ANKRD30B: variants seen among roughly 807,000 people sequenced by gnomAD.
ANKRD30B encodes the protein ankyrin repeat domain 30B.
Under a neutral mutation model 202.2 loss-of-function variants are expected in ANKRD30B, and 144 were observed. The ratio of observed to expected loss-of-function variants is 0.71; its 90% confidence interval spans 0.62 to 0.82. The LOEUF (loss-of-function observed/expected upper bound fraction) is 0.82, where lower values mean the gene tolerates loss of function less well. Ranked by LOEUF, ANKRD30B falls within the 40% of genes least tolerant of loss-of-function variation. The pLI is 0.00. For missense variants in ANKRD30B, 1,487 were observed against 1,669.1 expected, an observed-to-expected ratio of 0.89 and a Z score of 1.90; for synonymous variants, 508 against 561.3, an observed-to-expected ratio of 0.91 and a Z score of 1.34.
chr18:14,777,839 A>T (rs1598604496), intron 9 of ANKRD30B, 146 bp from the exon 10 acceptor site: 2 of 594,020 alleles, frequency 3.4e-6, no homozygotes, highest in East Asian at 6.4e-5. Context: ...GCTACTCAGG[A>T]GGCAGAAGGA....
chr18:14,900,698 G>A, the ANKRD30B span, among the ~76,000 whole-genome samples: 1 of 152,162 alleles, frequency 6.6e-6, no homozygotes, highest in Admixed American at 6.5e-5. Flanking sequence ...ATGTGACCAA[G>A]TTTTAGCTGA....
chr18:14,837,020 G>A, intron 34 of ANKRD30B, 191 bp from the exon 35 acceptor site: 1 of 461,256 alleles, frequency 2.2e-6, no homozygotes, highest in East Asian at 3.4e-5. Flanking sequence ...TTGAACATAA[G>A]CCAGAATCTA....
the ANKRD30B span, among the ~76,000 whole-genome samples, chr18:14,890,624 T>G: frequency 1.3e-5 from 2 of 150,834 alleles, no homozygotes; most frequent in African/African-American, 4.9e-5. Flanking sequence ...CTCTTAATCA[T>G]TATATAATTA....
chr18:14,843,585 GT>G (rs754075165), intron 39 of ANKRD30B, among the ~76,000 whole-genome samples: 1 of 132,856 alleles, frequency 7.5e-6, no homozygotes, highest in African/African-American at 2.7e-5. Flanking sequence ...GTGTGTGTGT[GT>G]GTGTGTGGTG....
the ANKRD30B span, among the ~76,000 whole-genome samples, chr18:14,872,659 G>T: frequency 2.3e-4 from 35 of 152,116 alleles, no homozygotes; most frequent in Admixed American, 1.4e-3. Flanking sequence ...CACTGAGTCA[G>T]ATTTTTGCCA....
chr18:14,832,625 C>A (rs1971002477), intron 34 of ANKRD30B, among the ~76,000 whole-genome samples: 1 of 151,992 alleles, frequency 6.6e-6, no homozygotes, highest in South Asian at 2.1e-4. Flanking sequence ...AAGCGGTTTT[C>A]AATGTGAATA....
chr18:14,831,934 A>C (rs1041280617), intron 34 of ANKRD30B, among the ~76,000 whole-genome samples: 6 of 152,208 alleles, frequency 3.9e-5, no homozygotes, highest in African/African-American at 1.4e-4. Flanking sequence ...GATAAACTTC[A>C]GTTCTGAAAC....
the ANKRD30B span, among the ~76,000 whole-genome samples, chr18:14,885,260 A>G: frequency 2.0e-5 from 3 of 152,010 alleles, no homozygotes; most frequent in African/African-American, 7.2e-5. Context: ...GTAAAGTTGG[A>G]TTATGGGAGG....
Position 14,820,627 on chromosome 18 carries a change from T to G in ANKRD30B, c.2642-1856T>G, listed in dbSNP as rs1452946375. 1.3e-3 allele frequency among the ~76,000 whole-genome samples: 196 copies of G among 152,288 alleles called. 5 individuals are homozygous for G. In the South Asian group the frequency reaches 0.03, roughly 23 times the overall value. ...CTGCATCTATTGAGATAATCATGTG[T>G]TTTTTGTCTTTGGCTCTGTTTATAT... On this transcript the variant is annotated intron_variant, in intron 30 of 43. Transcript: ENST00000690538.
the ANKRD30B span, among the ~76,000 whole-genome samples, chr18:14,939,626 G>A: frequency 6.6e-6 from 1 of 152,198 alleles, no homozygotes; most frequent in African/African-American, 2.4e-5. Flanking sequence ...AATGGCCCAC[G>A]GGACATGTAG....
chr18:14,831,515 T>C lies in ANKRD30B; in HGVS notation c.2847+60T>C, dbSNP rs182560549. The C allele has an allele frequency of 2.7e-4, 247 of 901,448 alleles. No homozygotes were observed. In the African/African-American group the frequency reaches 3.6e-3, roughly 13 times the overall value. 55.8% of individuals were successfully genotyped at this position (901,448 alleles called of 1,614,324 possible). On this transcript the variant is annotated intron_variant, in intron 34 of 43. Coordinates refer to ENST00000690538, the MANE Select transcript of ANKRD30B (RefSeq NM_001367607.2). Reference sequence around the variant, plus strand: ...TTGGAATCTAATTCTGTATAGTATTTACTTTTCATGTTTAGCAGTGGTGTA... The same window carrying C: ...TTGGAATCTAATTCTGTATAGTATTCACTTTTCATGTTTAGCAGTGGTGTA...
At chr18:14,865,895 GC>G in the ANKRD30B span, among the ~76,000 whole-genome samples, 2 of 152,100 alleles carry the variant, frequency 1.3e-5, no homozygotes, top group South Asian at 4.1e-4. Flanking sequence ...ACCTGGAATA[GC>G]CTGACTCTTC....
intron 4 of ANKRD30B, among the ~76,000 whole-genome samples, chr18:14,757,164 A>G (rs1175086430): frequency 6.6e-6 from 1 of 152,232 alleles, no homozygotes; most frequent in Non-Finnish European, 1.5e-5. Flanking sequence ...AAGATAAGCC[A>G]TAGGTGAATG....
At chr18:14,938,606 A>G in the ANKRD30B span, among the ~76,000 whole-genome samples, 1 of 152,208 alleles carries the variant, frequency 6.6e-6, no homozygotes, top group Non-Finnish European at 1.5e-5. Context: ...GTCACAGGAC[A>G]TGGCAGTACT....
chr18:14,853,091 G>A (rs926071547), intron 42 of ANKRD30B, among the ~76,000 whole-genome samples: 1 of 151,922 alleles, frequency 6.6e-6, no homozygotes, highest in East Asian at 1.9e-4. Flanking sequence ...TATCAAATTT[G>A]ATTTAATCAC....
chr18:14,749,119 A>G (rs1912989346), intron 1 of ANKRD30B, among the ~76,000 whole-genome samples: 1 of 152,230 alleles, frequency 6.6e-6, no homozygotes, highest in Non-Finnish European at 1.5e-5. Flanking sequence ...GATATCAATG[A>G]ATGTCTATGT....
chr18:14,781,451 C>T (rs758304731), intron 11 of ANKRD30B, among the ~76,000 whole-genome samples: 10 of 112,804 alleles, frequency 8.9e-5, no homozygotes, highest in African/African-American at 2.6e-4. Context: ...CCCGCCACCA[C>T]GCCCAGCTAA....
chr18:14,898,294 CG>C, the ANKRD30B span, among the ~76,000 whole-genome samples: 1 of 151,936 alleles, frequency 6.6e-6, no homozygotes, highest in African/African-American at 2.4e-5. Context: ...GGATGGCAGC[CG>C]GGGGGAGGTT....
chr18:14,808,511 G>T, intron 24 of ANKRD30B, 40 bp from the exon 25 acceptor site: 1 of 1,391,810 alleles, frequency 7.2e-7, no homozygotes, highest in South Asian at 1.2e-5. Flanking sequence ...GCTTTGTCAG[G>T]CTTGCATATA....
Sources: gnomAD v4.1 joint callset for allele counts (sites outside exome capture counted in the v4.1 genomes callset) on GRCh38, gnomAD v4.1.1 for gene constraint, MANE v1.5 for transcripts, NCBI Gene and HGNC (gene_info 2026-07-23, HGNC 2026-07-21) for gene names.